LOXL1: variants seen among roughly 807,000 people sequenced by gnomAD.
LOXL1 encodes lysyl oxidase like 1.
In LOXL1, 31 loss-of-function variants were observed where a neutral mutation model predicts 62.2. That is an observed-to-expected ratio of 0.50 (90% confidence interval 0.37 to 0.67). The LOEUF (loss-of-function observed/expected upper bound fraction) is 0.67. Among genes scored for constraint, LOXL1 ranks in the 30% least tolerant of loss-of-function variants. The probability of loss-of-function intolerance (pLI) is 0.00; values close to 1 mark genes in which losing one functional copy is unlikely to be tolerated. For missense variants in LOXL1, 775 were observed against 843.4 expected (o/e 0.92, Z 1.00); for synonymous variants, 403 against 384.4 (o/e 1.05, Z -0.56).
At chr15:73,936,442 G>T (rs1395798546) in intron 1 of LOXL1, among the ~76,000 whole-genome samples, 1 of 152,186 alleles carries the variant, frequency 6.6e-6, no homozygotes, top group East Asian at 1.9e-4. Flanking sequence ...AGAGCTTTCT[G>T]CTTCTCTGCC....
In LOXL1 at chr15:73,930,810, C is replaced by G. The variant is rs549493740; in HGVS notation, c.1102+2925C>G. On this transcript the variant is annotated intron_variant, in intron 1 of 6. Transcript: ENST00000261921. The surrounding 1 kb of genome is among the most constrained non-coding windows in gnomAD (Gnocchi z 4.7). ...GCCCAAGGCTTCCTGCAGTACCATT[C>G]TCTCCAACTCTGAAACATGAAACTG... Among the ~76,000 whole-genome samples, 14 of 152,154 alleles carry G rather than the reference C, an allele frequency of 9.2e-5. No individual in the cohort carries two copies. The highest frequency in any genetic ancestry group is 1.9e-4 in the Non-Finnish European group (13 of 68,024).
chr15:73,927,067 G>C lies in LOXL1; in HGVS notation c.284G>C (p.Arg95Pro). The change falls in exon 1 of 7, where the codon CGG (arginine) becomes CCG (proline). Residue 95 changes from arginine to proline, a missense_variant. Transcript: ENST00000261921. ...CGCAGCCACGGGAGCCCCCGGCGTC[G>C]GCAGGCGCCGTCCCTGCCCCTGCCG... ...QRRSHGSPRR[R>P]QAPSLPLPGR... is the part of the protein sequence containing the mutation. The C allele has an allele frequency of 7.6e-7, 1 of 1,314,476 alleles. No homozygotes were observed. The highest frequency in any genetic ancestry group is 9.7e-7 in the Non-Finnish European group (1 of 1,026,918). 81.4% of individuals were successfully genotyped at this position (1,314,476 alleles called of 1,614,324 possible).
At chr15:73,943,175 C>G (rs533316538) in intron 2 of LOXL1, among the ~76,000 whole-genome samples, 6 of 152,210 alleles carry the variant, frequency 3.9e-5, no homozygotes, top group Non-Finnish European at 8.8e-5. Flanking sequence ...CCCAGCATTT[C>G]TGTATACTGT....
chr15:73,943,107 T>C, intron 2 of LOXL1, 145 bp downstream of exon 2: 1 of 657,186 alleles, frequency 1.5e-6, no homozygotes, highest in Non-Finnish European at 2.7e-6. Context: ...CCTGACCGTT[T>C]CATCAGTGAG....
At position 73,927,405 on chromosome 15, in the gene LOXL1, G is replaced by A. The variant is rs750976975; in HGVS notation, c.622G>A (p.Ala208Thr). ...CCAGGGTTTCGTGTACTACCGGCCC[G>A]CGGGCGGCGGCGTGGGCGCGGGGGC... Reference protein sequence around the residue: ...YDQGFVYYRPAGGGVGAGAAA... With the variant: ...YDQGFVYYRPTGGGVGAGAAA... Residue 208 changes from alanine to threonine, a missense_variant, in exon 1 of 7, where the codon GCG (alanine) becomes ACG (threonine). By Grantham distance (58) the Ala-to-Thr change is moderately conservative. Coordinates refer to ENST00000261921, the MANE Select transcript of LOXL1 (RefSeq NM_005576.4). 1 of 1,542,098 alleles carries A rather than the reference G, an allele frequency of 6.5e-7. No individual in the cohort carries two copies. Among genetic ancestry groups the A allele is most frequent in the Non-Finnish European group, 8.7e-7 (1 of 1,146,522 alleles).
At chr15:73,950,974 C>T (rs2068780705) in intron 6 of LOXL1, among the ~76,000 whole-genome samples, 1 of 152,244 alleles carries the variant, frequency 6.6e-6, no homozygotes, top group Non-Finnish European at 1.5e-5. Flanking sequence ...CCATCACTGG[C>T]AGTTTGGCTC....
Position 73,926,996 on chromosome 15 carries a change from T to A in LOXL1, c.213T>A (p.Ser71Arg), listed in dbSNP as rs1176224783. Residue 71 changes from serine to arginine, a missense_variant, in exon 1 of 7, where the codon AGT becomes AGA. Transcript: ENST00000261921. The stretch of plus-strand genomic sequence containing the variant: ...CGGCCGGACCTCAGCGCTCCGAGAG[T>A]AGCTCCCGGGTGCTGCTGGCCGGCG... Reference protein sequence around the residue: ...YVPAGPQRSESSSRVLLAGAP... With the variant: ...YVPAGPQRSERSSRVLLAGAP... 3.4e-6 allele frequency: 5 copies of A among 1,481,182 alleles called. No individual in the cohort carries two copies. The allele number at this position is 1,481,182 out of a possible 1,614,324, so 91.8% of individuals were successfully genotyped here.
In LOXL1 at chr15:73,927,221, C is replaced by G. The variant is rs1260971391; in HGVS notation, c.438C>G (p.Val146=). The G allele has an allele frequency of 6.3e-7, 1 of 1,595,644 alleles. No homozygotes were observed. Among genetic ancestry groups the G allele is most frequent in the African/African-American group, 1.4e-5 (1 of 73,470 alleles). Residue 146 remains valine (V), a synonymous_variant, in exon 1 of 7, where the codon GTC becomes GTG. Transcript: ENST00000261921. ...GCATGGCCCGGGCCCGCACCTCCGT[C>G]TCCCAGCAACGGCACGGGGGCTCCG... ...STGMARARTS[V]SQQRHGGSAS... is the part of the protein sequence containing the mutation.
chr15:73,930,318 G>C lies in LOXL1; in HGVS notation c.1102+2433G>C, dbSNP rs1040565707. Reference sequence around the variant, plus strand: ...AAGGGATGGTCATCAGCACCATCCAGGTGCCCCTTCCCCTAATCATTGAGG... The same window carrying C: ...AAGGGATGGTCATCAGCACCATCCACGTGCCCCTTCCCCTAATCATTGAGG... On this transcript the variant is annotated intron_variant, in intron 1 of 6. Coordinates refer to ENST00000261921, the MANE Select transcript of LOXL1 (RefSeq NM_005576.4). This position sits in a 1 kb window ranked among gnomAD's most constrained non-coding sequence, Gnocchi z 4.7. Among the ~76,000 whole-genome samples, 5 of 152,222 alleles carry C rather than the reference G, an allele frequency of 3.3e-5. No individual in the cohort carries two copies. Among genetic ancestry groups the C allele is most frequent in the Non-Finnish European group, 7.3e-5 (5 of 68,034 alleles).
intron 1 of LOXL1, chr15:73,928,214 G>A (rs947626841): frequency 1.7e-5 from 5 of 299,328 alleles, no homozygotes; most frequent in African/African-American, 8.7e-5. Flanking sequence ...GAGGACAAAA[G>A]GAAGGAGCCC....
rs2141635049 is a variant in LOXL1, at chr15:73,944,982, G to A, written c.1212-1435G>A. 2.0e-5 allele frequency among the ~76,000 whole-genome samples: 3 copies of A among 152,308 alleles called. 1 individual carries two copies. In the South Asian group the frequency reaches 6.2e-4, roughly 32 times the overall value. On this transcript the variant is annotated intron_variant, in intron 2 of 6. Coordinates refer to ENST00000261921, the MANE Select transcript of LOXL1 (RefSeq NM_005576.4). ...GGATCGGACCTTAATGAGTGCCAGGGAAGAGCCCCTGAGGCCAACAGAGTT... is the reference window on the plus strand; with the variant it reads ...GGATCGGACCTTAATGAGTGCCAGGAAAGAGCCCCTGAGGCCAACAGAGTT...
intron 2 of LOXL1, 148 bp downstream of exon 2, chr15:73,943,110 T>C: frequency 6.2e-6 from 4 of 648,512 alleles, no homozygotes; most frequent in South Asian, 1.8e-5. Flanking sequence ...GACCGTTTCA[T>C]CAGTGAGCCT....
At chr15:73,950,535 G>A (rs182765992) in intron 6 of LOXL1, among the ~76,000 whole-genome samples, 1 of 151,820 alleles carries the variant, frequency 6.6e-6, no homozygotes. Context: ...AGGACTCAAT[G>A]TGTGACCAGG....
At chr15:73,937,952 G>A (rs570114242) in intron 1 of LOXL1, among the ~76,000 whole-genome samples, 10 of 152,326 alleles carry the variant, frequency 6.6e-5, no homozygotes, top group East Asian at 3.9e-4. Flanking sequence ...TCACTGTAGC[G>A]TGTTTGTGGA....
rs913281137 is a variant in LOXL1 at position 73,932,289 on chromosome 15, C to T, written c.1102+4404C>T. On this transcript the variant is annotated intron_variant, in intron 1 of 6. Transcript: ENST00000261921. ...CCTAGCCAGGTACTGTTATTTGTCC[C>T]GTGTTACAGATGTGGTGACGAGCTC... Among the ~76,000 whole-genome samples, 7 of 152,120 alleles carry T rather than the reference C, an allele frequency of 4.6e-5. No individual in the cohort carries two copies. In the East Asian group the frequency reaches 5.8e-4, roughly 13 times the overall value.
intron 5 of LOXL1, 92 bp downstream of exon 5, chr15:73,947,994 T>C (rs867668785): frequency 1.1e-6 from 1 of 907,350 alleles, no homozygotes; most frequent in East Asian, 2.7e-5. Context: ...TCTGGGCCTG[T>C]TCCCTTCTCC....
At position 73,941,182 on chromosome 15, in the gene LOXL1, C is replaced by A. The variant is rs139628639; in HGVS notation, c.1103-1672C>A. Among the ~76,000 whole-genome samples, 1,020 of 152,282 alleles carry A rather than the reference C, an allele frequency of 6.7e-3. 13 individuals carry two copies. The highest frequency in any genetic ancestry group is 0.023 in the African/African-American group (955 of 41,568). ...CTATGGGTCCCTTGGGAAATGACTG[C>A]AAACATTCCTAGGGGCTCAAGTAAC... is the stretch of plus-strand genomic sequence containing the variant. On this transcript the variant is annotated intron_variant, in intron 1 of 6. Transcript: ENST00000261921.
intron 2 of LOXL1, among the ~76,000 whole-genome samples, chr15:73,943,469 C>A (rs2068728555): frequency 6.6e-6 from 1 of 152,142 alleles, no homozygotes; most frequent in African/African-American, 2.4e-5. Flanking sequence ...GTCCAGGCTG[C>A]CTCTGCCTAG....
intron 1 of LOXL1, among the ~76,000 whole-genome samples, chr15:73,932,130 G>A (rs145226546): frequency 6.6e-6 from 1 of 152,306 alleles, no homozygotes; most frequent in East Asian, 1.9e-4. Flanking sequence ...CGGGCAGGGT[G>A]GGGCAGGGCA....
Sources: gnomAD v4.1 joint callset for allele counts (sites outside exome capture counted in the v4.1 genomes callset) on GRCh38, gnomAD v4.1.1 for gene constraint, Gnocchi (gnomAD v3.1) non-coding constraint, MANE v1.5 for transcripts, NCBI Gene and HGNC (gene_info 2026-07-23, HGNC 2026-07-21) for gene names.